SPAG16: variants seen among roughly 807,000 people sequenced by gnomAD.
SPAG16 encodes the protein sperm-associated antigen 16 protein.
Under a neutral mutation model 80.4 loss-of-function variants are expected in SPAG16, and 86 were observed. The observed-to-expected ratio is 1.07, with a 90% CI of 0.90 to 1.28. The LOEUF (loss-of-function observed/expected upper bound fraction) is 1.28, where lower values mean the gene tolerates loss of function less well. Among genes scored for constraint, SPAG16 ranks in the 50% most tolerant of loss-of-function variants. The pLI is 0.00. For missense variants in SPAG16, 870 were observed against 765.3 expected (o/e 1.14, Z -1.61); for synonymous variants, 294 against 265.9 (o/e 1.11, Z -1.03).
chr2:213,601,115 C>T (rs932412220), intron 10 of SPAG16, among the ~76,000 whole-genome samples: 11 of 152,262 alleles, frequency 7.2e-5, no homozygotes, highest in Middle Eastern at 3.4e-3. Flanking sequence ...TCTGTTGGGC[C>T]TGCAGAAGAG....
At chr2:213,513,765 A>G (rs1410737068) in intron 10 of SPAG16, among the ~76,000 whole-genome samples, 3 of 152,196 alleles carry the variant, frequency 2.0e-5, no homozygotes, top group Non-Finnish European at 4.4e-5. Context: ...CTTCATATTT[A>G]TGAGGTGGCT....
chr2:213,800,342 C>T (rs1475460224), intron 10 of SPAG16, among the ~76,000 whole-genome samples: 1 of 136,178 alleles, frequency 7.3e-6, no homozygotes, highest in Non-Finnish European at 1.6e-5. Context: ...CTCTCTCCCT[C>T]TCTCCCTCTC....
chr2:214,258,078 C>G (rs189129326), intron 15 of SPAG16, among the ~76,000 whole-genome samples: 6 of 151,828 alleles, frequency 4.0e-5, no homozygotes, highest in Admixed American at 2.6e-4. Context: ...GTAGAATTTC[C>G]TGGCATGTGG....
intron 5 of SPAG16, 26 bp from the exon 6 acceptor site, chr2:213,340,137 T>G (rs1364062979): frequency 6.6e-7 from 1 of 1,508,080 alleles, no homozygotes; most frequent in African/African-American, 1.4e-5. Context: ...TAGCAGTGAT[T>G]TATAAAGTTA....
chr2:214,206,959 A>G (rs549693706), intron 15 of SPAG16, among the ~76,000 whole-genome samples: 2 of 152,200 alleles, frequency 1.3e-5, no homozygotes, highest in Non-Finnish European at 2.9e-5. Context: ...ATGTATAAAG[A>G]TCTAAGTCAG....
At chr2:214,074,880 T>C (rs944568264) in intron 13 of SPAG16, among the ~76,000 whole-genome samples, 1 of 152,068 alleles carries the variant, frequency 6.6e-6, no homozygotes, top group Non-Finnish European at 1.5e-5. Context: ...AAACAGCAGA[T>C]AACGCAAACT....
intron 9 of SPAG16, among the ~76,000 whole-genome samples, chr2:213,409,988 C>T (rs1438888260): frequency 2.0e-5 from 3 of 152,034 alleles, no homozygotes; most frequent in Admixed American, 6.6e-5. Context: ...CTGAAGATCA[C>T]GTTCTTATCT....
intron 12 of SPAG16, among the ~76,000 whole-genome samples, chr2:213,975,050 T>A (rs2045294876): frequency 6.6e-6 from 1 of 150,944 alleles, no homozygotes. Context: ...CCTCAATAGA[T>A]TAGATAAAAT....
intron 10 of SPAG16, among the ~76,000 whole-genome samples, chr2:213,757,812 A>G (rs1311057548): frequency 6.6e-6 from 1 of 152,036 alleles, no homozygotes; most frequent in Non-Finnish European, 1.5e-5. Flanking sequence ...AATATCGGCA[A>G]TCTTTGCTCT....
chr2:213,958,919 G>T (rs553413326), intron 12 of SPAG16, among the ~76,000 whole-genome samples: 4 of 152,082 alleles, frequency 2.6e-5, no homozygotes, highest in African/African-American at 9.7e-5. Flanking sequence ...GGACTTTCTC[G>T]TACATTTCTT....
chr2:214,157,999 AT>A (rs2056286880), intron 15 of SPAG16, among the ~76,000 whole-genome samples: 1 of 126,598 alleles, frequency 7.9e-6, no homozygotes, highest in Non-Finnish European at 2.0e-5. Flanking sequence ...TCATGTCTCC[AT>A]CAGAAAAGGA....
intron 9 of SPAG16, among the ~76,000 whole-genome samples, chr2:213,376,308 T>G (rs1001145345): frequency 2.5e-4 from 38 of 152,144 alleles, no homozygotes; most frequent in South Asian, 4.1e-4. Flanking sequence ...CAGTGCTTAC[T>G]GCTTATAAGA....
chr2:213,297,455 G>T, intron 3 of SPAG16, 98 bp downstream of exon 3: 1 of 621,092 alleles, frequency 1.6e-6, no homozygotes. Context: ...GTGTAGCTCA[G>T]TCATCTGTTA....
rs374001573 is a variant in SPAG16, at chr2:214,293,811, T to C, written c.1721-116329T>C. ...TGGTAGCAGTGGCCCCAGGGCAGAA[T>C]GCAGGCCTTTGAAGACTAAGCTTTC... On this transcript the variant is annotated intron_variant, in intron 15 of 15. Coordinates refer to ENST00000331683, the MANE Select transcript of SPAG16 (RefSeq NM_024532.5). Among the ~76,000 whole-genome samples the C allele has an allele frequency of 2.2e-4, 33 of 152,256 alleles. No homozygotes were observed. In the East Asian group the frequency reaches 4.2e-3, roughly 20 times the overall value.
intron 5 of SPAG16, among the ~76,000 whole-genome samples, chr2:213,328,099 G>A (rs764906465): frequency 6.6e-6 from 1 of 151,920 alleles, no homozygotes; most frequent in Non-Finnish European, 1.5e-5. Flanking sequence ...TATCATATTA[G>A]CATTACTCCA....
chr2:213,903,999 C>T (rs965810196), intron 11 of SPAG16, among the ~76,000 whole-genome samples: 1 of 152,190 alleles, frequency 6.6e-6, no homozygotes, highest in African/African-American at 2.4e-5. Flanking sequence ...TTCCTCATCT[C>T]CACCTGAGAC....
intron 11 of SPAG16, among the ~76,000 whole-genome samples, chr2:213,908,996 T>C (rs563051977): frequency 2.6e-5 from 4 of 151,164 alleles, no homozygotes; most frequent in Admixed American, 6.6e-5. Context: ...CATTGTTCAA[T>C]TCCCATCTAT....
rs56995755 is a variant in SPAG16, at chr2:214,020,278, G to T, written c.1527+6201G>T. Among the ~76,000 whole-genome samples the T allele has an allele frequency of 9.8e-3, 1,491 of 152,180 alleles. 25 individuals carry two copies. Among genetic ancestry groups the T allele is most frequent in the African/African-American group, 0.033 (1,367 of 41,528 alleles). ...TTAGTCCCTTCGAGTTTCTACCACAGTAGTCTCCAAACTATTTTTTATAAA... is the reference window on the plus strand; with the variant it reads ...TTAGTCCCTTCGAGTTTCTACCACATTAGTCTCCAAACTATTTTTTATAAA... On this transcript the variant is annotated intron_variant, in intron 13 of 15. Transcript: ENST00000331683.
intron 10 of SPAG16, among the ~76,000 whole-genome samples, chr2:213,549,693 G>A (rs949073879): frequency 6.6e-6 from 1 of 152,118 alleles, no homozygotes; most frequent in East Asian, 1.9e-4. Flanking sequence ...AACTTGAAAG[G>A]CTTCTTACCT....
Sources: allele counts gnomAD v4.1 joint callset (sites outside exome capture counted in the v4.1 genomes callset), GRCh38; gene constraint gnomAD v4.1.1; transcripts MANE v1.5; gene names NCBI Gene and HGNC (gene_info 2026-07-23, HGNC 2026-07-21).